CALCRL: variants seen among roughly 807,000 people sequenced by gnomAD.
CALCRL encodes calcitonin gene-related peptide type 1 receptor.
In CALCRL, 27 loss-of-function variants were observed where a neutral mutation model predicts 60.4. The observed-to-expected ratio is 0.45, with a 90% CI of 0.33 to 0.62. The LOEUF is 0.62. Ranked by LOEUF, CALCRL falls within the 20% of genes least tolerant of loss-of-function variation. The probability of loss-of-function intolerance (pLI) is 0.03; values close to 1 mark genes in which losing one functional copy is unlikely to be tolerated. For missense variants in CALCRL, 424 were observed against 540.7 expected (o/e 0.78, Z 2.14); for synonymous variants, 190 against 182.6 (o/e 1.04, Z -0.33).
chr2:187,396,417 A>G (rs957009816), intron 1 of CALCRL, among the ~76,000 whole-genome samples: 5 of 151,798 alleles, frequency 3.3e-5, no homozygotes. Flanking sequence ...TATTACCATC[A>G]TCATTGGAAC....
intron 1 of CALCRL, among the ~76,000 whole-genome samples, chr2:187,437,602 G>C (rs1690705582): frequency 6.6e-6 from 1 of 151,900 alleles, no homozygotes; most frequent in Non-Finnish European, 1.5e-5. Context: ...AGAATACTGA[G>C]TTATCTTGCC....
intron 1 of CALCRL, among the ~76,000 whole-genome samples, chr2:187,418,210 G>GA (rs558410730): frequency 3.3e-5 from 5 of 151,684 alleles, no homozygotes; most frequent in Non-Finnish European, 5.9e-5. Context: ...GTCATTAAAA[G>GA]AAAAAAAATT....
At chr2:187,368,762 CTAATT>C (rs1048247285) in intron 8 of CALCRL, among the ~76,000 whole-genome samples, 1 of 152,124 alleles carries the variant, frequency 6.6e-6, no homozygotes, top group African/African-American at 2.4e-5. Flanking sequence ...TCTAGCTTAT[CTAATT>C]TAATTTCCAA....
intron 1 of CALCRL, among the ~76,000 whole-genome samples, chr2:187,390,712 C>T (rs1372996326): frequency 2.6e-5 from 4 of 152,070 alleles, no homozygotes; most frequent in Non-Finnish European, 5.9e-5. Flanking sequence ...ACCCTATTCC[C>T]TAATGATCTG....
intron 8 of CALCRL, among the ~76,000 whole-genome samples, chr2:187,367,168 T>C (rs1005198609): frequency 6.6e-6 from 1 of 152,150 alleles, no homozygotes; most frequent in African/African-American, 2.4e-5. Flanking sequence ...TAGAGTGTTT[T>C]ATACAATTAT....
At chr2:187,393,338 T>A (rs1000167767) in intron 1 of CALCRL, among the ~76,000 whole-genome samples, 2 of 152,144 alleles carry the variant, frequency 1.3e-5, no homozygotes, top group East Asian at 1.9e-4. Flanking sequence ...TCATCCTCAC[T>A]GGGACATGCC....
intron 8 of CALCRL, among the ~76,000 whole-genome samples, chr2:187,372,571 A>G (rs1377916609): frequency 6.6e-6 from 1 of 152,132 alleles, no homozygotes; most frequent in Non-Finnish European, 1.5e-5. Flanking sequence ...TGAGTGGTAG[A>G]CTTTTCTCTC....
chr2:187,428,467 C>T (rs372884277), intron 1 of CALCRL: 4 of 152,260 alleles, frequency 2.6e-5, no homozygotes, highest in African/African-American at 9.6e-5. Context: ...ACCTACAAGT[C>T]ATTAATTGTG....
intron 8 of CALCRL, among the ~76,000 whole-genome samples, chr2:187,377,390 TG>T (rs1280568410): frequency 6.6e-6 from 1 of 151,910 alleles, no homozygotes; most frequent in Non-Finnish European, 1.5e-5. Flanking sequence ...ATGAGAGAAA[TG>T]TATCACAGAT....
intron 12 of CALCRL, 55 bp from the exon 13 acceptor site, chr2:187,352,387 G>A (rs1686573775): frequency 2.0e-6 from 2 of 1,007,248 alleles, no homozygotes; most frequent in East Asian, 2.6e-5. Context: ...ATATTAAGAA[G>A]CATTATTCAA....
chr2:187,364,208 C>T (rs1001621967), intron 8 of CALCRL, among the ~76,000 whole-genome samples: 14 of 152,072 alleles, frequency 9.2e-5, no homozygotes, highest in African/African-American at 3.4e-4. Context: ...GAAAAAGTGT[C>T]ACTAATGATA....
chr2:187,437,907 A>T (rs3771065), intron 1 of CALCRL, among the ~76,000 whole-genome samples: 7,292 of 152,238 alleles, frequency 0.048, 248 homozygotes, highest in African/African-American at 0.091. Flanking sequence ...GAGAATATGT[A>T]GAAAAACAGT....
chr2:187,378,953 A>G lies in CALCRL; in HGVS notation c.487T>C (p.Phe163Leu), dbSNP rs939270884. ...IASLLISLGI[F>L]FYFKSLSCQR... Reference sequence around the variant, plus strand: ...AAATTTACTTACTTGAAATAAAAGAATATGCCAAGCGAGATAAGCAGTGAT... The same window carrying G: ...AAATTTACTTACTTGAAATAAAAGAGTATGCCAAGCGAGATAAGCAGTGAT... Residue 163 changes from phenylalanine to leucine, a missense_variant, in exon 8 of 15, where the codon TTC (phenylalanine) becomes CTC (leucine). Coordinates refer to ENST00000392370, the MANE Select transcript of CALCRL (RefSeq NM_005795.6). 2.4e-5 allele frequency: 38 copies of G among 1,599,000 alleles called. No homozygotes were observed. Among genetic ancestry groups the G allele is most frequent in the Non-Finnish European group, 3.2e-5 (37 of 1,168,762 alleles).
intron 12 of CALCRL, among the ~76,000 whole-genome samples, chr2:187,356,896 G>GA (rs1396235884): frequency 6.6e-6 from 1 of 152,162 alleles, no homozygotes; most frequent in African/African-American, 2.4e-5. Flanking sequence ...ACAAACATAT[G>GA]AAAAAAAGCT....
intron 12 of CALCRL, among the ~76,000 whole-genome samples, chr2:187,358,224 T>G (rs1217388469): frequency 6.7e-6 from 1 of 150,350 alleles, no homozygotes; most frequent in Non-Finnish European, 1.5e-5. Context: ...AGCATAGTAG[T>G]GTATACGTAT....
chr2:187,400,792 C>A (rs1280436562), intron 1 of CALCRL, among the ~76,000 whole-genome samples: 2 of 151,242 alleles, frequency 1.3e-5, no homozygotes, highest in Non-Finnish European at 3.0e-5. Flanking sequence ...AAAAAAGAAA[C>A]ATATTATATG....
chr2:187,357,599 CT>C (rs1313309424), intron 12 of CALCRL, among the ~76,000 whole-genome samples: 2 of 141,212 alleles, frequency 1.4e-5, no homozygotes, highest in African/African-American at 2.7e-5. Context: ...TGATGTTCCC[CT>C]TCCTGTGTCC....
chr2:187,395,147 A>G (rs1432797295), intron 1 of CALCRL, among the ~76,000 whole-genome samples: 1 of 152,066 alleles, frequency 6.6e-6, no homozygotes, highest in Non-Finnish European at 1.5e-5. Flanking sequence ...ACTTGGCCAA[A>G]GTCACAAAGA....
chr2:187,350,225 G>A (rs552098382), intron 14 of CALCRL, among the ~76,000 whole-genome samples: 6 of 151,786 alleles, frequency 4.0e-5, no homozygotes, highest in African/African-American at 1.4e-4. Flanking sequence ...TGTAGATACA[G>A]AGGTCTACCT....
Sources: allele counts gnomAD v4.1 joint callset (sites outside exome capture counted in the v4.1 genomes callset), GRCh38; gene constraint gnomAD v4.1.1; transcripts MANE v1.5; gene names NCBI Gene and HGNC (gene_info 2026-07-23, HGNC 2026-07-21).